The following HCRTR2 variants were observed in gnomAD, a reference collection of about 807,000 sequenced individuals.
HCRTR2 encodes hypocretin receptor 2, also known as orexin receptor type 2.
Under a neutral mutation model 49.0 loss-of-function variants are expected in HCRTR2, and 22 were observed. The observed-to-expected ratio is 0.45, with a 90% confidence interval of 0.32 to 0.64. The LOEUF (loss-of-function observed/expected upper bound fraction) is 0.64. Among genes scored for constraint, HCRTR2 ranks in the 30% least tolerant of loss-of-function variants. The pLI is 0.04. For synonymous variants in HCRTR2, 236 were observed against 205.3 expected (o/e 1.15, Z -1.28); for missense variants, 491 against 559.4 (o/e 0.88, Z 1.23).
intron 1 of HCRTR2, among the ~76,000 whole-genome samples, chr6:55,161,503 A>G (rs1764804978): frequency 6.6e-6 from 1 of 152,166 alleles, no homozygotes; most frequent in African/African-American, 2.4e-5. Context: ...CTAAGGAGAG[A>G]GAGACACGAA....
At chr6:55,190,523 G>A (rs548003214) in intron 1 of HCRTR2, among the ~76,000 whole-genome samples, 9 of 152,064 alleles carry the variant, frequency 5.9e-5, no homozygotes, top group Non-Finnish European at 1.2e-4. Context: ...GTTTAGATAA[G>A]GAGACAGGTA....
intron 1 of HCRTR2, among the ~76,000 whole-genome samples, chr6:55,164,593 GGA>G (rs1205617157): frequency 6.6e-5 from 10 of 152,066 alleles, no homozygotes; most frequent in African/African-American, 2.4e-4. Flanking sequence ...ATGGACACAG[GGA>G]GGGGAACATC....
intron 1 of HCRTR2, among the ~76,000 whole-genome samples, chr6:55,138,978 T>C (rs1211798598): frequency 6.6e-6 from 1 of 152,118 alleles, no homozygotes; most frequent in Non-Finnish European, 1.5e-5. Flanking sequence ...GAGGAGTTGG[T>C]AGTAAGCAGA....
intron 3 of HCRTR2, among the ~76,000 whole-genome samples, chr6:55,262,995 G>A (rs954384597): frequency 6.6e-6 from 1 of 151,226 alleles, no homozygotes; most frequent in African/African-American, 2.4e-5. Flanking sequence ...TATTCATATT[G>A]GATTGGAGAA....
chr6:55,192,411 G>GCGCA, intron 1 of HCRTR2, among the ~76,000 whole-genome samples: 1 of 44,708 alleles, frequency 2.2e-5, no homozygotes, highest in East Asian at 1.1e-3. Flanking sequence ...ACGCGCGCGC[G>GCGCA]CGCACACACA....
At chr6:55,269,213 G>C (rs1338807218) in intron 4 of HCRTR2, among the ~76,000 whole-genome samples, 3 of 151,686 alleles carry the variant, frequency 2.0e-5, no homozygotes, top group African/African-American at 7.3e-5. Context: ...ACCAAAAACA[G>C]AAGAATGCAT....
At chr6:55,202,272 C>T (rs1489273149) in intron 1 of HCRTR2, among the ~76,000 whole-genome samples, 1 of 152,050 alleles carries the variant, frequency 6.6e-6, no homozygotes, top group Admixed American at 6.6e-5. Flanking sequence ...CTCTTTTCAC[C>T]ACCTACTCTT....
intron 1 of HCRTR2, among the ~76,000 whole-genome samples, chr6:55,127,455 A>G (rs140790877): frequency 6.6e-6 from 1 of 152,280 alleles, no homozygotes; most frequent in East Asian, 1.9e-4. Context: ...AAATGCAGAA[A>G]TCATCTGCAC....
intron 1 of HCRTR2, among the ~76,000 whole-genome samples, chr6:55,198,091 A>G (rs914152570): frequency 6.6e-6 from 1 of 152,130 alleles, no homozygotes; most frequent in South Asian, 2.1e-4. Flanking sequence ...ACATAACTCA[A>G]AATGTATCTC....
chr6:55,284,593 C>T (rs552827628), downstream of HCRTR2, among the ~76,000 whole-genome samples: 50 of 152,176 alleles, frequency 3.3e-4, no homozygotes, highest in Admixed American at 2.2e-3. Flanking sequence ...CCACCATCAT[C>T]GCTACCGTCA....
chr6:55,262,449 T>A lies in HCRTR2; in HGVS notation c.647-1258T>A, dbSNP rs192141209. On this transcript the variant is annotated intron_variant, in intron 3 of 6. Transcript: ENST00000370862. Reference sequence around the variant, plus strand: ...TATTACATATAAATATCTATTAATATATATTATTTATATTATATCTAAATA... The same window carrying A: ...TATTACATATAAATATCTATTAATAAATATTATTTATATTATATCTAAATA... 5.4e-3 allele frequency among the ~76,000 whole-genome samples: 714 copies of A among 132,556 alleles called. 13 individuals carry two copies. Among genetic ancestry groups the A allele is most frequent in the African/African-American group, 0.019 (663 of 35,438 alleles). The allele number at this position is 132,556 out of a possible 152,430, so 87.0% of individuals were successfully genotyped here.
intron 1 of HCRTR2, among the ~76,000 whole-genome samples, chr6:55,167,339 A>C (rs1764891571): frequency 6.6e-6 from 1 of 152,142 alleles, no homozygotes; most frequent in African/African-American, 2.4e-5. Context: ...TTTCACCATA[A>C]CTATATGGAG....
intron 1 of HCRTR2, among the ~76,000 whole-genome samples, chr6:55,236,536 C>T (rs1301931730): frequency 6.6e-6 from 1 of 151,756 alleles, no homozygotes; most frequent in Admixed American, 6.6e-5. Context: ...GCTTTATTAC[C>T]CTTGCTCCAG....
intron 1 of HCRTR2, among the ~76,000 whole-genome samples, chr6:55,221,510 TG>T (rs1194396917): frequency 6.6e-6 from 1 of 152,052 alleles, no homozygotes; most frequent in Non-Finnish European, 1.5e-5. Flanking sequence ...CAAGTCAAAA[TG>T]AATTAAAAAT....
At chr6:55,238,271 C>T (rs150151549) in intron 1 of HCRTR2, among the ~76,000 whole-genome samples, 16 of 152,138 alleles carry the variant, frequency 1.1e-4, no homozygotes, top group South Asian at 8.3e-4. Flanking sequence ...ATATCTAATC[C>T]CTCACTAAGG....
intron 1 of HCRTR2, among the ~76,000 whole-genome samples, chr6:55,185,396 A>AT (rs1266057417): frequency 1.3e-5 from 2 of 152,268 alleles, no homozygotes; most frequent in African/African-American, 2.4e-5. Context: ...CGTATGTGTT[A>AT]TTTTTTCCCC....
intron 3 of HCRTR2, among the ~76,000 whole-genome samples, chr6:55,262,646 A>G (rs1486884442): frequency 7.2e-6 from 1 of 139,528 alleles, no homozygotes; most frequent in Non-Finnish European, 1.5e-5. Flanking sequence ...ATTTATAAAT[A>G]TATAATGATT....
intron 1 of HCRTR2, among the ~76,000 whole-genome samples, chr6:55,122,601 A>G (rs1263032778): frequency 4.6e-5 from 7 of 152,044 alleles, no homozygotes; most frequent in Admixed American, 4.6e-4. Flanking sequence ...GTGGGCATTT[A>G]GTGCTGTAAA....
At chr6:55,125,999 C>T (rs1419978968) in intron 1 of HCRTR2, among the ~76,000 whole-genome samples, 1 of 151,576 alleles carries the variant, frequency 6.6e-6, no homozygotes, top group East Asian at 2.0e-4. Context: ...GCTGGTTGTT[C>T]TAGTTAGCAA....
Sources: gnomAD v4.1 joint callset for allele counts (sites outside exome capture counted in the v4.1 genomes callset) on GRCh38, gnomAD v4.1.1 for gene constraint, MANE v1.5 for transcripts, NCBI Gene and HGNC (gene_info 2026-07-23, HGNC 2026-07-21) for gene names.